PARD3B: variants seen among roughly 807,000 people sequenced by gnomAD.
The protein encoded by PARD3B is partitioning defective 3 homolog B.
PARD3B carries 103 observed loss-of-function variants against 130.2 expected under a neutral mutation model. The observed-to-expected ratio is 0.79, with a 90% CI of 0.67 to 0.93. The LOEUF (loss-of-function observed/expected upper bound fraction) is 0.93. Among genes scored for constraint, PARD3B ranks in the 40% least tolerant of loss-of-function variants. PARD3B has a pLI of 0.00. For missense variants in PARD3B, 1,609 were observed against 1,499.2 expected (o/e 1.07, Z -1.21); for synonymous variants, 583 against 553.2 (o/e 1.05, Z -0.76).
intron 2 of PARD3B, among the ~76,000 whole-genome samples, chr2:204,693,742 G>A (rs2037460575): frequency 6.6e-6 from 1 of 152,022 alleles, no homozygotes; most frequent in South Asian, 2.1e-4. Context: ...CGAAACTACT[G>A]TACGATTTAT....
rs554739494 is a variant in PARD3B, at chr2:205,600,305, G to A, written c.3261-15151G>A. On this transcript the variant is annotated intron_variant, in intron 22 of 22. Transcript: ENST00000406610. ...AATCATGACATTCTCCAAAGAGACC[G>A]TTGGAGGAGCAGCAGGTTTAGGGAG... Among the ~76,000 whole-genome samples, 65 of 152,302 alleles carry A rather than the reference G, an allele frequency of 4.3e-4. No individual in the cohort carries two copies. In the Middle Eastern group the frequency reaches 0.017, roughly 40 times the overall value.
chr2:205,504,276 A>T lies in PARD3B; in HGVS notation c.3180+4245A>T, dbSNP rs551826595. Among the ~76,000 whole-genome samples the T allele has an allele frequency of 6.6e-5, 10 of 152,332 alleles. No individual in the cohort carries two copies. In the East Asian group the frequency reaches 1.9e-3, roughly 29 times the overall value. On this transcript the variant is annotated intron_variant, in intron 21 of 22. Transcript: ENST00000406610. Reference sequence around the variant, plus strand: ...ATTAAAGACTTAAATGTTAGTCCTAAAACCATAAAAACCCTAGAAGAAAAC... The same window carrying T: ...ATTAAAGACTTAAATGTTAGTCCTATAACCATAAAAACCCTAGAAGAAAAC...
chr2:204,628,797 T>C (rs376662597), intron 1 of PARD3B, among the ~76,000 whole-genome samples: 2 of 152,148 alleles, frequency 1.3e-5, no homozygotes, highest in African/African-American at 4.8e-5. Context: ...TATCTGTAGA[T>C]GGGAAATGAA....
chr2:204,661,659 T>C (rs2035811671), intron 1 of PARD3B, among the ~76,000 whole-genome samples: 2 of 152,212 alleles, frequency 1.3e-5, no homozygotes, highest in South Asian at 2.1e-4. Flanking sequence ...GGATTAGATA[T>C]TATAACTAAG....
rs1417205620 is a variant in PARD3B at position 204,887,474 on chromosome 2, C to T, written c.223-77678C>T. 1.3e-5 allele frequency among the ~76,000 whole-genome samples: 2 copies of T among 152,134 alleles called. No homozygotes were observed. The highest frequency in any genetic ancestry group is 3.9e-4 in the East Asian group (2 of 5,182). The stretch of plus-strand genomic sequence containing the variant: ...TCGAGATAGCCTGTCTGCATGTTGG[C>T]TAGTTGTAGCAAGTTTTAAAAGCAA... On this transcript the variant is annotated intron_variant, in intron 2 of 22. Coordinates refer to ENST00000406610, the MANE Select transcript of PARD3B (RefSeq NM_001302769.2). The surrounding 1 kb of genome is among the most constrained non-coding windows in gnomAD (Gnocchi z 4.2).
At position 204,709,518 on chromosome 2, in the gene PARD3B, A is replaced by T. The variant is rs181814991; in HGVS notation, c.222+23236A>T. Among the ~76,000 whole-genome samples, 3 of 152,266 alleles carry T rather than the reference A, an allele frequency of 2.0e-5. No individual in the cohort carries two copies. In the East Asian group the frequency reaches 5.8e-4, roughly 29 times the overall value. Reference sequence around the variant, plus strand: ...TATTCTCTTCTCTTTTATGACCTCTAGGTTACAATATCCCAGTACATACTA... The same window carrying T: ...TATTCTCTTCTCTTTTATGACCTCTTGGTTACAATATCCCAGTACATACTA... On this transcript the variant is annotated intron_variant, in intron 2 of 22. Transcript: ENST00000406610.
chr2:204,666,659 G>A (rs1275345289), intron 1 of PARD3B, among the ~76,000 whole-genome samples: 2 of 151,992 alleles, frequency 1.3e-5, no homozygotes, highest in African/African-American at 4.8e-5. Flanking sequence ...ATAGAGAGGG[G>A]TATAGATGAA....
chr2:204,757,098 C>A (rs576595103), intron 2 of PARD3B, among the ~76,000 whole-genome samples: 2 of 152,258 alleles, frequency 1.3e-5, no homozygotes, highest in Admixed American at 6.5e-5. Context: ...TCATCTCATT[C>A]TTTTTATGGC....
chr2:205,417,470 G>T (rs556700123), intron 19 of PARD3B, among the ~76,000 whole-genome samples: 2 of 152,236 alleles, frequency 1.3e-5, no homozygotes, highest in African/African-American at 4.8e-5. Context: ...GGGTCAAATG[G>T]TATTTCTAGT....
chr2:205,508,919 A>AAAAG (rs1324178779), intron 21 of PARD3B, among the ~76,000 whole-genome samples: 1 of 152,226 alleles, frequency 6.6e-6, no homozygotes, highest in African/African-American at 2.4e-5. Context: ...TAGTAAAACA[A>AAAAG]AAAGAAAAAA....
intron 22 of PARD3B, among the ~76,000 whole-genome samples, chr2:205,603,389 G>C (rs569552959): frequency 6.6e-6 from 1 of 152,076 alleles, no homozygotes; most frequent in South Asian, 2.1e-4. Context: ...ATCCAAGTTC[G>C]AGTCCTGAAT....
chr2:204,950,493 G>A (rs368201897), intron 2 of PARD3B, among the ~76,000 whole-genome samples: 25 of 152,240 alleles, frequency 1.6e-4, no homozygotes, highest in African/African-American at 5.8e-4. Context: ...ATGCGAGGGC[G>A]TGCGGGGTGG....
intron 19 of PARD3B, among the ~76,000 whole-genome samples, chr2:205,431,173 T>A (rs1037778414): frequency 2.6e-5 from 4 of 152,188 alleles, no homozygotes; most frequent in Non-Finnish European, 5.9e-5. Context: ...ACCTTCCAGG[T>A]TCAAGCAATT....
rs573910704 is a variant in PARD3B, at chr2:204,610,859, A to G, written c.120+64740A>G. On this transcript the variant is annotated intron_variant, in intron 1 of 22. Transcript: ENST00000406610. This position sits in a 1 kb window ranked among gnomAD's most constrained non-coding sequence, Gnocchi z 4.1. ...ATTTACATAACAGTATTTCTAGTATATAAAATTCAGTTGATATATGCTTGA... is the reference window on the plus strand; with the variant it reads ...ATTTACATAACAGTATTTCTAGTATGTAAAATTCAGTTGATATATGCTTGA... Among the ~76,000 whole-genome samples the G allele has an allele frequency of 5.3e-5, 8 of 152,330 alleles. No homozygotes were observed. The highest frequency in any genetic ancestry group is 5.2e-4 in the Admixed American group (8 of 15,294).
intron 1 of PARD3B, among the ~76,000 whole-genome samples, chr2:204,608,425 A>G (rs1411675352): frequency 6.6e-6 from 1 of 152,026 alleles, no homozygotes; most frequent in Non-Finnish European, 1.5e-5. Context: ...GTGCATCTCC[A>G]TGGGGAGGAC....
intron 19 of PARD3B, among the ~76,000 whole-genome samples, chr2:205,404,336 A>G (rs2106025979): frequency 6.6e-6 from 1 of 152,338 alleles, no homozygotes; most frequent in African/African-American, 2.4e-5. Context: ...AGATGATTTA[A>G]AGTATATGAG....
chr2:205,607,247 A>G (rs1478771434), intron 22 of PARD3B, among the ~76,000 whole-genome samples: 2 of 152,168 alleles, frequency 1.3e-5, no homozygotes, highest in Non-Finnish European at 2.9e-5. Flanking sequence ...TGGAAAAAAA[A>G]AAAAAGAAGT....
rs528202534 is a variant in PARD3B, at chr2:204,550,606, G to T, written c.120+4487G>T. Among the ~76,000 whole-genome samples, 9 of 152,218 alleles carry T rather than the reference G, an allele frequency of 5.9e-5. No homozygotes were observed. In the South Asian group the frequency reaches 1.7e-3, roughly 28 times the overall value. On this transcript the variant is annotated intron_variant, in intron 1 of 22. Coordinates refer to ENST00000406610, the MANE Select transcript of PARD3B (RefSeq NM_001302769.2). ...AAGGCCAATTTGTGGCTCTGACTGC[G>T]TATGTGAGTACACCCTTTTTTGGAA...
intron 2 of PARD3B, among the ~76,000 whole-genome samples, chr2:204,812,207 G>C (rs2042986638): frequency 6.6e-6 from 1 of 152,062 alleles, no homozygotes; most frequent in Admixed American, 6.5e-5. Flanking sequence ...AAAGTTTTTT[G>C]TATGTTTCTA....
Sources: allele counts gnomAD v4.1 joint callset (sites outside exome capture counted in the v4.1 genomes callset), GRCh38; gene constraint gnomAD v4.1.1; non-coding constraint Gnocchi (gnomAD v3.1); transcripts MANE v1.5; gene names NCBI Gene and HGNC (gene_info 2026-07-23, HGNC 2026-07-21).